Variants in TOPORS observed in about 807,000 individuals in gnomAD.
TOPORS encodes E3 ubiquitin-protein ligase Topors.
Under a neutral mutation model 81.4 loss-of-function variants are expected in TOPORS, and 25 were observed. The ratio of observed to expected loss-of-function variants is 0.31; its 90% CI spans 0.22 to 0.43. The LOEUF (loss-of-function observed/expected upper bound fraction) is 0.43, where lower values mean the gene tolerates loss of function less well. Ranked by LOEUF, TOPORS falls within the 20% of genes least tolerant of loss-of-function variation. The pLI, the probability that TOPORS is intolerant of heterozygous loss-of-function variation, is 1.00. For missense variants in TOPORS, 1,101 were observed against 1,267.0 expected, an observed-to-expected ratio of 0.87 and a Z score of 1.99; for synonymous variants, 473 against 456.6, an observed-to-expected ratio of 1.04 and a Z score of -0.46.
rs1821233987 is a variant in TOPORS at position 32,550,919 on chromosome 9, G to A, written c.53C>T (p.Ala18Val). Residue 18 changes from alanine (A) to valine (V), a missense_variant, in exon 2 of 3, where the codon GCG becomes GTG. Ala to Val is a moderately conservative substitution (Grantham distance 64, BLOSUM62 0). Coordinates refer to ENST00000360538, the MANE Select transcript of TOPORS (RefSeq NM_005802.5). ...GSPLSREEGE[A>V]PPPAPASEGR... is the part of the protein sequence containing the mutation. ...CTCCGAAGCGGGAGCAGGCGGGGGC[G>A]CTTCACCCTCCTCGCGAGACAGCGG... 6.2e-7 allele frequency: 1 copy of A among 1,612,550 alleles called. No homozygotes were observed. Among genetic ancestry groups the A allele is most frequent in the African/African-American group, 1.3e-5 (1 of 74,912 alleles).
At position 32,543,348 on chromosome 9, in the gene TOPORS, T is replaced by C. The variant is rs1424678577; in HGVS notation, c.1177A>G (p.Thr393Ala). The C allele has an allele frequency of 2.5e-6, 4 of 1,614,140 alleles. No individual in the cohort carries two copies. Among genetic ancestry groups the C allele is most frequent in the Non-Finnish European group, 3.4e-6 (4 of 1,180,018 alleles). The stretch of plus-strand genomic sequence containing the variant: ...GTCTCAGCCTCATCTGGAGATATTG[T>C]TATGACTGAAGAATCAGAATGGCTG... ...EGSHSDSSVITISPDEAETQE... is the reference protein window; with the variant it reads ...EGSHSDSSVIAISPDEAETQE... The change falls in exon 3 of 3, where the codon ACA (threonine) becomes GCA (alanine). Residue 393 changes from threonine (T) to alanine (A), a missense_variant. By Grantham distance (58) the Thr-to-Ala change is moderately conservative. This residue lies in a region of TOPORS where 103 missense variants were observed against 112.1 expected (regional missense o/e 0.92). Transcript: ENST00000360538. The surrounding 1 kb of genome is among the most constrained non-coding windows in gnomAD (Gnocchi z 5.6).
At position 32,550,839 on chromosome 9, in the gene TOPORS, T is replaced by G. The variant is rs919908818; in HGVS notation, c.133A>C (p.Ser45Arg). The change falls in exon 2 of 3, where the codon AGC (serine) becomes CGC (arginine). Residue 45 changes from serine (S) to arginine (R), a missense_variant. By Grantham distance (110) the Ser-to-Arg change is moderately radical (BLOSUM62 -1). Around this residue, in one of 9 missense-constraint regions of TOPORS, gnomAD observed 131 missense variants for 101.0 expected, o/e 1.30. Coordinates refer to ENST00000360538, the MANE Select transcript of TOPORS (RefSeq NM_005802.5). ...GCGAGCTCCCGGCAGCCCAGAAAGCTAGGTCGGTGTCGGCAGGATCCGCGA... is the reference window on the plus strand; with the variant it reads ...GCGAGCTCCCGGCAGCCCAGAAAGCGAGGTCGGTGTCGGCAGGATCCGCGA... ...RLRGSCRHRP[S>R]FLGCRELAAS... is the part of the protein sequence containing the mutation. The G allele has an allele frequency of 1.2e-6, 2 of 1,612,782 alleles. No homozygotes were observed. The highest frequency in any genetic ancestry group is 2.7e-5 in the African/African-American group (2 of 74,900).
In TOPORS at chr9:32,550,895, T is replaced by C; in HGVS notation, c.77A>G (p.Glu26Gly). 6.2e-7 allele frequency: 1 copy of C among 1,612,736 alleles called. No homozygotes were observed. The highest frequency in any genetic ancestry group is 8.5e-7 in the Non-Finnish European group (1 of 1,179,704). ...TACCCGGCGACTTCTCCGCCTACCC[T>C]CCGAAGCGGGAGCAGGCGGGGGCGC... ...GEAPPPAPAS[E>G]GRRRSRRVRL... Residue 26 changes from glutamate to glycine, a missense_variant, in exon 2 of 3, where the codon GAG (glutamate) becomes GGG (glycine). Glu to Gly is a moderately conservative substitution (Grantham distance 98). Transcript: ENST00000360538.
At position 32,543,961 on chromosome 9, in the gene TOPORS, T is replaced by C. The variant is rs756886104; in HGVS notation, c.564A>G (p.Arg188=). Residue 188 remains arginine, a synonymous_variant, in exon 3 of 3, where the codon CGA becomes CGG. Transcript: ENST00000360538. The surrounding 1 kb of genome is among the most constrained non-coding windows in gnomAD (Gnocchi z 5.6). ...CACTAGGTGAATACACAGAAGCATT[T>C]CGTTCCCTTGTCAGAGTTGTACGGT... ...FRYRTTLTRE[R]NASVYSPSGP... is the part of the protein sequence containing the mutation. The C allele has an allele frequency of 1.2e-6, 2 of 1,614,160 alleles. No homozygotes were observed. Among genetic ancestry groups the C allele is most frequent in the Non-Finnish European group, 1.7e-6 (2 of 1,180,020 alleles).
chr9:32,543,130 G>A lies in TOPORS; in HGVS notation c.1395C>T (p.Asp465=), dbSNP rs1245750073. Residue 465 remains aspartate (D), a synonymous_variant, in exon 3 of 3, where the codon GAC becomes GAT. Coordinates refer to ENST00000360538, the MANE Select transcript of TOPORS (RefSeq NM_005802.5). The surrounding 1 kb of genome is among the most constrained non-coding windows in gnomAD (Gnocchi z 5.6). ...AATCATCACTGTCATTATTTAGGTC[G>A]TCATTGGTTTGTACTCCTTGTATCT... The part of the protein sequence containing the change: ...TSQIQGVQTN[D]DLNNDSDDSS... 6.2e-6 allele frequency: 10 copies of A among 1,613,938 alleles called. No individual in the cohort carries two copies. Among genetic ancestry groups the A allele is most frequent in the African/African-American group, 2.7e-5 (2 of 74,916 alleles).
intron 2 of TOPORS, among the ~76,000 whole-genome samples, chr9:32,544,647 T>C (rs1287034397): frequency 6.6e-6 from 1 of 152,170 alleles, no homozygotes; most frequent in Non-Finnish European, 1.5e-5. Flanking sequence ...TGTGAAGATG[T>C]AAAAAGCCCT....
Position 32,541,784 on chromosome 9 carries a change from C to G in TOPORS, c.2741G>C (p.Ser914Thr), listed in dbSNP as rs1258336500. 1 of 1,614,216 alleles carries G rather than the reference C, an allele frequency of 6.2e-7. No homozygotes were observed. Among genetic ancestry groups the G allele is most frequent in the Admixed American group, 1.7e-5 (1 of 60,026 alleles). ...SPVVITIDSDSDKDSEVKEDT... is the reference protein window; with the variant it reads ...SPVVITIDSDTDKDSEVKEDT... ...CTCCTTTACTTCAGAATCCTTATCA[C>G]TGTCACTGTCAATGGTAATTACAAC... Residue 914 changes from serine to threonine, a missense_variant, in exon 3 of 3, where the codon AGT (serine) becomes ACT (threonine). Ser to Thr is a moderately conservative substitution (Grantham distance 58, BLOSUM62 1). Around this residue, in one of 9 missense-constraint regions of TOPORS, gnomAD observed 605 missense variants for 636.1 expected, o/e 0.95. Coordinates refer to ENST00000360538, the MANE Select transcript of TOPORS (RefSeq NM_005802.5).
At chr9:32,546,791 ATGAC>A (rs1459966040) in intron 2 of TOPORS, among the ~76,000 whole-genome samples, 1 of 152,180 alleles carries the variant, frequency 6.6e-6, no homozygotes, top group Non-Finnish European at 1.5e-5. Flanking sequence ...AGGTGAATGA[ATGAC>A]TGGTAATGTC....
At position 32,541,105 on chromosome 9, in the gene TOPORS, A is replaced by T. The variant is rs922714823; in HGVS notation, c.*282T>A. Reference sequence around the variant, plus strand: ...TATGGCTTTATGAAATAACTTCTAAAATTTATATAATTTTTCTTATTTAAA... The same window carrying T: ...TATGGCTTTATGAAATAACTTCTAATATTTATATAATTTTTCTTATTTAAA... On this transcript the variant is annotated 3_prime_UTR_variant, in exon 3 of 3. Coordinates refer to ENST00000360538, the MANE Select transcript of TOPORS (RefSeq NM_005802.5). 3.7e-6 allele frequency: 1 copy of T among 268,678 alleles called. No individual in the cohort carries two copies. Among genetic ancestry groups the T allele is most frequent in the African/African-American group, 2.2e-5 (1 of 45,118 alleles). The allele number at this position is 268,678 out of a possible 1,614,324, so 16.6% of individuals were successfully genotyped here. A position where few individuals can be genotyped will look rare whatever the true frequency, so the allele number is the denominator to read the frequency against.
At position 32,540,990 on chromosome 9, in the gene TOPORS, C is replaced by T. The variant is rs1291155426; in HGVS notation, c.*397G>A. Reference sequence around the variant, plus strand: ...AAAATAAAGACTGTCCAAAGGGATTCTCCTAGCTTATAACACATTTCCAGA... The same window carrying T: ...AAAATAAAGACTGTCCAAAGGGATTTTCCTAGCTTATAACACATTTCCAGA... On this transcript the variant is annotated 3_prime_UTR_variant, in exon 3 of 3. Transcript: ENST00000360538. 2 of 167,672 alleles carry T rather than the reference C, an allele frequency of 1.2e-5. No individual in the cohort carries two copies. Among genetic ancestry groups the T allele is most frequent in the Non-Finnish European group, 1.3e-5 (1 of 76,980 alleles). The allele number at this position is 167,672 out of a possible 1,614,324, so 10.4% of individuals were successfully genotyped here.
At chr9:32,550,679 G>A in intron 2 of TOPORS, 95 bp downstream of exon 2, 4 of 1,462,564 alleles carry the variant, frequency 2.7e-6, no homozygotes, top group Non-Finnish European at 3.8e-6. Flanking sequence ...GGCCATGACC[G>A]CAACCCTCGG....
In TOPORS at chr9:32,550,952, A is replaced by AGCG; in HGVS notation, c.17_19dup (p.Pro6dup). On this transcript the variant is annotated inframe_insertion, in exon 2 of 3. Transcript: ENST00000360538. Reference sequence around the variant, plus strand: ...CTCCTCGCGAGACAGCGGAGACCCCAGCGGCGGCTGCGACCCCTGTGACGC... The same window carrying AGCG: ...CTCCTCGCGAGACAGCGGAGACCCCAGCGGCGGCGGCTGCGACCCCTGTGACGC... 6.2e-7 allele frequency: 1 copy of AGCG among 1,611,566 alleles called. No individual in the cohort carries two copies. Among genetic ancestry groups the AGCG allele is most frequent in the Non-Finnish European group, 8.5e-7 (1 of 1,179,778 alleles).
chr9:32,547,945 C>T (rs1162450148), intron 2 of TOPORS, among the ~76,000 whole-genome samples: 1 of 151,582 alleles, frequency 6.6e-6, no homozygotes, highest in Non-Finnish European at 1.5e-5. Flanking sequence ...CATTCTCCTG[C>T]CTCAGCCTTC....
intron 1 of TOPORS, 142 bp from the exon 2 acceptor site, chr9:32,551,110 G>C (rs1291498685): frequency 9.3e-7 from 1 of 1,079,152 alleles, no homozygotes; most frequent in African/African-American, 1.6e-5. Context: ...CTCGGGGGCG[G>C]GGCTCAGCGC....
chr9:32,552,222 CCTCT>C (rs981183838), intron 1 of TOPORS: 3 of 642,906 alleles, frequency 4.7e-6, no homozygotes, highest in South Asian at 1.8e-5. Flanking sequence ...CGTTTATTCC[CCTCT>C]CTAAAAGGCG....
intron 2 of TOPORS, among the ~76,000 whole-genome samples, chr9:32,550,329 A>G (rs1821212600): frequency 6.6e-6 from 1 of 152,214 alleles, no homozygotes; most frequent in Admixed American, 6.5e-5. Context: ...ATAGTCGTTT[A>G]CTTTGGTTCA....
At chr9:32,551,800 T>G (rs1305570376) in intron 1 of TOPORS, 1 of 452,096 alleles carries the variant, frequency 2.2e-6, no homozygotes, top group South Asian at 1.6e-5. Context: ...ACTGATACAT[T>G]ATGGCGGGTA....
intron 1 of TOPORS, chr9:32,551,649 C>T (rs1256951242): frequency 1.0e-5 from 3 of 285,742 alleles, no homozygotes; most frequent in Non-Finnish European, 2.3e-5. Context: ...TTCTACTCCT[C>T]AGGCCTCAAA....
chr9:32,552,431 T>C lies in TOPORS; in HGVS notation c.3+3A>G, dbSNP rs2040734643. 4 of 1,609,444 alleles carry C rather than the reference T, an allele frequency of 2.5e-6. No homozygotes were observed. The highest frequency in any genetic ancestry group is 3.4e-4 in the Middle Eastern group (2 of 5,850). On this transcript the variant is annotated splice_donor_region_variant and intron_variant, in intron 1 of 2. Coordinates refer to ENST00000360538, the MANE Select transcript of TOPORS (RefSeq NM_005802.5). The stretch of plus-strand genomic sequence containing the variant: ...CTCCCGCGGACTGCTGCCGCCTCCT[T>C]ACCATGAAGCCAGTAAGTCGTCGCA...
Sources: gnomAD v4.1 joint callset for allele counts (sites outside exome capture counted in the v4.1 genomes callset) on GRCh38, gnomAD v4.1.1 for gene constraint, gnomAD v4.1.1 regional missense constraint, Gnocchi (gnomAD v3.1) non-coding constraint, MANE v1.5 for transcripts, NCBI Gene and HGNC (gene_info 2026-07-23, HGNC 2026-07-21) for gene names.